GPA33: variants seen among roughly 807,000 people sequenced by gnomAD.
The protein encoded by GPA33 is glycoprotein A33.
GPA33 carries 27 observed loss-of-function variants against 35.6 expected under a neutral mutation model. The observed-to-expected ratio is 0.76, with a 90% CI of 0.56 to 1.04. GPA33 has a LOEUF of 1.04. Among genes scored for constraint, GPA33 ranks in the 50% least tolerant of loss-of-function variants. The pLI is 0.00. For missense variants in GPA33, 428 were observed against 411.9 expected (o/e 1.04, Z -0.34); for synonymous variants, 176 against 164.0 (o/e 1.07, Z -0.56).
At chr1:167,069,444 ATC>A (rs1006564942) in intron 2 of GPA33, among the ~76,000 whole-genome samples, 7 of 152,330 alleles carry the variant, frequency 4.6e-5, no homozygotes, top group African/African-American at 1.7e-4. Flanking sequence ...AATCTCCGGC[ATC>A]TCTCTTATCC....
chr1:167,056,586 G>GGT (rs1666263920), intron 4 of GPA33, among the ~76,000 whole-genome samples: 8 of 3,654 alleles, frequency 2.2e-3, no homozygotes, highest in Non-Finnish European at 6.0e-3. Flanking sequence ...GCATATGTGT[G>GGT]GTATGTGTGT....
In GPA33 at chr1:167,054,166, C is replaced by T; in HGVS notation, c.*168G>A. 1 of 855,206 alleles carries T rather than the reference C, an allele frequency of 1.2e-6. No homozygotes were observed. Among genetic ancestry groups the T allele is most frequent in the Non-Finnish European group, 1.8e-6 (1 of 556,926 alleles). The allele number at this position is 855,206 out of a possible 1,614,324, so 53.0% of individuals were successfully genotyped here. On this transcript the variant is annotated 3_prime_UTR_variant, in exon 7 of 7. Coordinates refer to ENST00000367868, the MANE Select transcript of GPA33 (RefSeq NM_005814.3). The stretch of plus-strand genomic sequence containing the variant: ...GTCAGCAGGATCAGCACAGGGACCC[C>T]CTTACCAGGCCAGCCATGTTCCCCA...
intron 1 of GPA33, among the ~76,000 whole-genome samples, chr1:167,088,307 C>G (rs1179804403): frequency 2.6e-5 from 4 of 152,190 alleles, no homozygotes; most frequent in African/African-American, 9.7e-5. Context: ...CGCCTGGTTG[C>G]TTTTGGTCGA....
At position 167,071,821 on chromosome 1, in the gene GPA33, T is replaced by G. The variant is rs534696473; in HGVS notation, c.198+1564A>C. 5.5e-4 allele frequency among the ~76,000 whole-genome samples: 84 copies of G among 152,266 alleles called. 1 individual carries two copies. In the Middle Eastern group the frequency reaches 0.014, roughly 25 times the overall value. ...TCACAATAATCTCCTTGAGGGGCCG[T>G]ATTTAAATCCCTTTCTCTATACTCT... On this transcript the variant is annotated intron_variant, in intron 2 of 6. Transcript: ENST00000367868.
chr1:167,066,793 A>G (rs1666601805), intron 3 of GPA33, among the ~76,000 whole-genome samples: 1 of 152,192 alleles, frequency 6.6e-6, no homozygotes, highest in Non-Finnish European at 1.5e-5. Context: ...GACTCCCGCT[A>G]CAGACGTCAG....
chr1:167,054,830 G>A, intron 6 of GPA33, 146 bp downstream of exon 6: 1 of 922,602 alleles, frequency 1.1e-6, no homozygotes, highest in Non-Finnish European at 1.7e-6. Flanking sequence ...ACATTTTATG[G>A]CTTGGACAGG....
intron 1 of GPA33, 52 bp from the exon 2 acceptor site, chr1:167,073,591 T>C (rs1285181176): frequency 1.3e-6 from 2 of 1,500,016 alleles, no homozygotes; most frequent in Non-Finnish European, 1.8e-6. Context: ...CGGACAGACA[T>C]ACCCACTCAC....
intron 4 of GPA33, among the ~76,000 whole-genome samples, chr1:167,056,216 C>T (rs1401267831): frequency 1.3e-5 from 2 of 152,170 alleles, no homozygotes; most frequent in African/African-American, 4.8e-5. Context: ...TATAAGCCCA[C>T]AACAGAATGC....
chr1:167,054,503 T>G (rs768618489), intron 6 of GPA33, 37 bp from the exon 7 acceptor site: 4 of 1,613,534 alleles, frequency 2.5e-6, no homozygotes, highest in Non-Finnish European at 3.4e-6. Context: ...AAGGATTTGC[T>G]CTCAGGTGGA....
chr1:167,088,597 C>T (rs759628428), intron 1 of GPA33, among the ~76,000 whole-genome samples: 3 of 152,254 alleles, frequency 2.0e-5, no homozygotes, highest in South Asian at 2.1e-4. Flanking sequence ...GGTGAGTTCC[C>T]CAGGGGTCAC....
chr1:167,084,008 C>T (rs539706826), intron 1 of GPA33, among the ~76,000 whole-genome samples: 2 of 152,172 alleles, frequency 1.3e-5, no homozygotes, highest in East Asian at 3.8e-4. Context: ...TGCCTGCCCC[C>T]ACCAAGATCC....
At chr1:167,081,879 C>T (rs908506639) in intron 1 of GPA33, among the ~76,000 whole-genome samples, 15 of 152,214 alleles carry the variant, frequency 9.9e-5, no homozygotes, top group African/African-American at 3.6e-4. Context: ...GAGCTGGGTC[C>T]TAATAAGGCC....
At chr1:167,088,029 A>G (rs946444480) in intron 1 of GPA33, among the ~76,000 whole-genome samples, 1 of 152,094 alleles carries the variant, frequency 6.6e-6, no homozygotes, top group African/African-American at 2.4e-5. Context: ...GAACCTTATG[A>G]ATAGCTTCTG....
In GPA33 at chr1:167,054,985, T is replaced by A; in HGVS notation, c.818A>T (p.Asp273Val). Residue 273 changes from aspartate (D) to valine (V), a missense_variant, in exon 6 of 7, where the codon GAT (aspartate) becomes GTT (valine). Coordinates refer to ENST00000367868, the MANE Select transcript of GPA33 (RefSeq NM_005814.3). ...GKDDNTEDKE[D>V]ARPNREAYEE... Reference sequence around the variant, plus strand: ...CAGCCCAGACACTCACGGCCTTGCATCCTCCTTGTCTTCAGTGTTGTCGTC... The same window carrying A: ...CAGCCCAGACACTCACGGCCTTGCAACCTCCTTGTCTTCAGTGTTGTCGTC... The A allele has an allele frequency of 1.9e-6, 3 of 1,614,052 alleles. No homozygotes were observed. The highest frequency in any genetic ancestry group is 1.1e-5 in the South Asian group (1 of 91,082).
chr1:167,086,217 C>A (rs1320085212), intron 1 of GPA33, among the ~76,000 whole-genome samples: 2 of 152,236 alleles, frequency 1.3e-5, no homozygotes, highest in African/African-American at 2.4e-5. Context: ...TGCTCAGGTG[C>A]CAGCAGGTGG....
chr1:167,090,271 C>G lies in GPA33; in HGVS notation c.17G>C (p.Trp6Ser). The change falls in exon 1 of 7, where the codon TGG becomes TCG. Residue 6 changes from tryptophan (W) to serine (S), a missense_variant. Coordinates refer to ENST00000367868, the MANE Select transcript of GPA33 (RefSeq NM_005814.3). ...TGCACAGAGTGTCCACAACACAGGC[C>G]ACATCTTCCCCACCATGGTCTTGCT... is the stretch of plus-strand genomic sequence containing the variant. MVGKM[W>S]PVLWTLCAVR... 6.2e-7 allele frequency: 1 copy of G among 1,613,748 alleles called. No individual in the cohort carries two copies.
At chr1:167,080,140 T>C (rs1162106514) in intron 1 of GPA33, among the ~76,000 whole-genome samples, 1 of 152,184 alleles carries the variant, frequency 6.6e-6, no homozygotes, top group Admixed American at 6.5e-5. Flanking sequence ...TCACTCCCTT[T>C]GCCCTGTGCC....
chr1:167,056,521 CGTGTGTGTGCT>C (rs1666258129), intron 4 of GPA33, among the ~76,000 whole-genome samples: 1 of 44,906 alleles, frequency 2.2e-5, no homozygotes, highest in Non-Finnish European at 5.0e-5. Flanking sequence ...TGATGTGCAG[CGTGTGTGTGCT>C]GTGCTCTGTG....
At chr1:167,075,876 T>A (rs923834486) in intron 1 of GPA33, among the ~76,000 whole-genome samples, 4 of 152,132 alleles carry the variant, frequency 2.6e-5, no homozygotes, top group Admixed American at 1.3e-4. Context: ...CAGGAAAAGT[T>A]TCTTGAAAGC....
Sources: gnomAD v4.1 joint callset for allele counts (sites outside exome capture counted in the v4.1 genomes callset) on GRCh38, gnomAD v4.1.1 for gene constraint, MANE v1.5 for transcripts, NCBI Gene and HGNC (gene_info 2026-07-23, HGNC 2026-07-21) for gene names.